The following SGCZ variants were observed in gnomAD, a reference collection of about 807,000 sequenced individuals.
SGCZ encodes the protein sarcoglycan zeta, also known as zeta-sarcoglycan.
In SGCZ, 40 loss-of-function variants were observed where a neutral mutation model predicts 41.3. That is an observed-to-expected ratio of 0.97 (90% CI 0.75 to 1.26). The LOEUF (loss-of-function observed/expected upper bound fraction) is 1.26, where lower values mean the gene tolerates loss of function less well. Among genes scored for constraint, SGCZ ranks in the 50% most tolerant of loss-of-function variants. The pLI is 0.00. For synonymous variants in SGCZ, 206 were observed against 137.5 expected (o/e 1.50, Z -3.49); for missense variants, 552 against 369.8 (o/e 1.49, Z -4.04).
intron 1 of SGCZ, among the ~76,000 whole-genome samples, chr8:14,671,769 A>G (rs901865264): frequency 1.1e-4 from 17 of 152,168 alleles, no homozygotes; most frequent in African/African-American, 1.7e-4. Context: ...TCAAAAACAA[A>G]TAACAAACAA....
intron 1 of SGCZ, among the ~76,000 whole-genome samples, chr8:14,893,640 T>C (rs1411095804): frequency 6.6e-6 from 1 of 152,182 alleles, no homozygotes; most frequent in Non-Finnish European, 1.5e-5. Flanking sequence ...AATGCTGTCA[T>C]TTATCAGGGA....
intron 1 of SGCZ, among the ~76,000 whole-genome samples, chr8:15,163,336 C>T (rs570331349): frequency 2.2e-4 from 34 of 152,218 alleles, no homozygotes; most frequent in African/African-American, 3.6e-4. Context: ...TGAGGCATAA[C>T]TACTAAGTAG....
At chr8:14,577,278 T>A (rs1280256169) in intron 1 of SGCZ, among the ~76,000 whole-genome samples, 2 of 152,092 alleles carry the variant, frequency 1.3e-5, no homozygotes, top group Admixed American at 6.6e-5. Context: ...AATACAAGTA[T>A]GTCATAAATA....
intron 1 of SGCZ, among the ~76,000 whole-genome samples, chr8:14,675,089 C>G (rs532919350): frequency 2.6e-5 from 4 of 151,488 alleles, no homozygotes; most frequent in Non-Finnish European, 5.9e-5. Flanking sequence ...TAGGCACCCG[C>G]CACCACGCCT....
At chr8:14,828,995 A>G (rs1429798368) in intron 1 of SGCZ, among the ~76,000 whole-genome samples, 1 of 152,120 alleles carries the variant, frequency 6.6e-6, no homozygotes, top group Admixed American at 6.6e-5. Flanking sequence ...CGAATCTAGA[A>G]AGGACACCTA....
At chr8:14,702,778 T>C (rs866118995) in intron 1 of SGCZ, among the ~76,000 whole-genome samples, 1,166 of 115,094 alleles carry the variant, frequency 0.01, 27 homozygotes, top group African/African-American at 0.031. Flanking sequence ...GATAGATAGA[T>C]AGACAGACAG....
chr8:14,812,885 G>C (rs1261491645), intron 1 of SGCZ, among the ~76,000 whole-genome samples: 1 of 152,052 alleles, frequency 6.6e-6, no homozygotes, highest in African/African-American at 2.4e-5. Context: ...TGACACTAAT[G>C]CTGAGAAAAC....
intron 1 of SGCZ, among the ~76,000 whole-genome samples, chr8:14,781,864 TATCTC>T (rs1283174653): frequency 6.6e-6 from 1 of 152,150 alleles, no homozygotes; most frequent in African/African-American, 2.4e-5. Flanking sequence ...AAGTGTAAAA[TATCTC>T]ATGTAATTTA....
At chr8:14,135,592 A>C (rs748539725) in intron 5 of SGCZ, among the ~76,000 whole-genome samples, 1 of 152,240 alleles carries the variant, frequency 6.6e-6, no homozygotes, top group African/African-American at 2.4e-5. Context: ...CAAACTATTA[A>C]AACTCAATCG....
chr8:14,473,163 G>T (rs1801260616), intron 2 of SGCZ, among the ~76,000 whole-genome samples: 1 of 152,026 alleles, frequency 6.6e-6, no homozygotes, highest in African/African-American at 2.4e-5. Context: ...ATTCACACCT[G>T]TTCCCATACT....
intron 1 of SGCZ, among the ~76,000 whole-genome samples, chr8:14,755,934 C>G (rs1799652311): frequency 6.6e-6 from 1 of 151,990 alleles, no homozygotes; most frequent in Non-Finnish European, 1.5e-5. Context: ...CACTTCAGTG[C>G]ATTAAGACTA....
chr8:15,163,189 G>A (rs934067780), intron 1 of SGCZ, among the ~76,000 whole-genome samples: 1 of 152,146 alleles, frequency 6.6e-6, no homozygotes, highest in Admixed American at 6.5e-5. Flanking sequence ...TTTGTTACTG[G>A]CTTATACTTA....
At chr8:14,116,222 CA>C (rs1802518133) in intron 5 of SGCZ, among the ~76,000 whole-genome samples, 1 of 151,970 alleles carries the variant, frequency 6.6e-6, no homozygotes. Context: ...ATTGTATGTT[CA>C]AAAGATGCTA....
intron 5 of SGCZ, among the ~76,000 whole-genome samples, chr8:14,118,188 G>C (rs946979566): frequency 5.9e-5 from 9 of 151,994 alleles, no homozygotes; most frequent in Admixed American, 3.9e-4. Context: ...GAACTAATTT[G>C]CACTCCTACC....
intron 1 of SGCZ, among the ~76,000 whole-genome samples, chr8:15,154,457 C>T (rs542511999): frequency 6.6e-6 from 1 of 152,310 alleles, no homozygotes; most frequent in Admixed American, 6.5e-5. Flanking sequence ...GGAAAGTAGA[C>T]ATCTCCCTTA....
At chr8:14,709,944 T>C (rs1809459616) in intron 1 of SGCZ, among the ~76,000 whole-genome samples, 2 of 152,158 alleles carry the variant, frequency 1.3e-5, no homozygotes, top group South Asian at 4.1e-4. Flanking sequence ...TTGAAGTCTG[T>C]ACAGCAAAAT....
chr8:15,149,673 C>G (rs890394077), intron 1 of SGCZ, among the ~76,000 whole-genome samples: 7 of 129,624 alleles, frequency 5.4e-5, no homozygotes, highest in African/African-American at 2.1e-4. Flanking sequence ...TGGAGGAAAA[C>G]AGTCACCTTT....
chr8:14,430,558 G>T (rs888232994), intron 2 of SGCZ, among the ~76,000 whole-genome samples: 3 of 151,988 alleles, frequency 2.0e-5, no homozygotes, highest in Non-Finnish European at 4.4e-5. Flanking sequence ...TGTAATAAAA[G>T]CCCCGTATAA....
chr8:14,442,624 C>G (rs1800304696), intron 2 of SGCZ, among the ~76,000 whole-genome samples: 1 of 152,056 alleles, frequency 6.6e-6, no homozygotes, highest in African/African-American at 2.4e-5. Context: ...CTAATGGTCC[C>G]TTATATAGAG....
Sources: allele counts gnomAD v4.1 joint callset (sites outside exome capture counted in the v4.1 genomes callset), GRCh38; gene constraint gnomAD v4.1.1; transcripts MANE v1.5; gene names NCBI Gene and HGNC (gene_info 2026-07-23, HGNC 2026-07-21).